The following CABLES1 variants were observed in gnomAD, a reference collection of about 807,000 sequenced individuals.
The protein encoded by CABLES1 is Cdk5 and Abl enzyme substrate 1.
A neutral mutation model predicts 57.8 loss-of-function variants in CABLES1; 36 were observed. That is an observed-to-expected ratio of 0.62 (90% CI 0.48 to 0.82). The LOEUF is 0.82. CABLES1 is among the 40% of genes least tolerant of loss of function. CABLES1 has a pLI of 0.00. For synonymous variants in CABLES1, 374 were observed against 363.0 expected (o/e 1.03, Z -0.35); for missense variants, 767 against 836.6 (o/e 0.92, Z 1.03).
chr18:23,200,700 G>A lies in CABLES1; in HGVS notation c.1010+6160G>A, dbSNP rs571024907. ...GAAAATGTCATGTCCCATCAACTTC[G>A]ACTCCTCATTGATGGAATAACTTAG... On this transcript the variant is annotated intron_variant, in intron 3 of 9. Transcript: ENST00000256925. Among the ~76,000 whole-genome samples, 6 of 152,316 alleles carry A rather than the reference G, an allele frequency of 3.9e-5. No homozygotes were observed. The East Asian group carries it at 7.7e-4, about 20-fold the overall frequency.
intron 9 of CABLES1, among the ~76,000 whole-genome samples, chr18:23,256,359 A>G (rs2048165472): frequency 6.6e-6 from 1 of 152,230 alleles, no homozygotes; most frequent in Non-Finnish European, 1.5e-5. Flanking sequence ...TAGCACTGTG[A>G]AAGTGGAGAC....
chr18:23,174,246 T>A (rs2047104449), intron 1 of CABLES1, among the ~76,000 whole-genome samples: 1 of 152,098 alleles, frequency 6.6e-6, no homozygotes, highest in African/African-American at 2.4e-5. Context: ...TGGCTTAACA[T>A]AATGTTTTCA....
intron 3 of CABLES1, among the ~76,000 whole-genome samples, chr18:23,201,082 C>G: frequency 6.6e-6 from 1 of 152,192 alleles, no homozygotes; most frequent in East Asian, 1.9e-4. Context: ...AGATGAGAAC[C>G]AAGATGCAGA....
Position 23,258,204 on chromosome 18 carries a change from G to GTATT in CABLES1, c.*840_*843dup, listed in dbSNP as rs2048212909. 6.6e-6 allele frequency: 1 copy of GTATT among 152,538 alleles called. No homozygotes were observed. Among genetic ancestry groups the GTATT allele is most frequent in the African/African-American group, 2.4e-5 (1 of 41,462 alleles). The allele number at this position is 152,538 out of a possible 1,614,324, so 9.4% of individuals were successfully genotyped here. On this transcript the variant is annotated 3_prime_UTR_variant, in exon 10 of 10. Coordinates refer to ENST00000256925, the MANE Select transcript of CABLES1 (RefSeq NM_001100619.3). ...CCTGCCGTCTGCCACCCCGCCACGTGTATTTAACCCTCGCACTTTCTCCAC... is the reference window on the plus strand; with the variant it reads ...CCTGCCGTCTGCCACCCCGCCACGTGTATTTATTTAACCCTCGCACTTTCTCCAC...
At chr18:23,250,364 T>C (rs2048008325) in intron 7 of CABLES1, among the ~76,000 whole-genome samples, 1 of 152,126 alleles carries the variant, frequency 6.6e-6, no homozygotes, top group African/African-American at 2.4e-5. Context: ...GTTGAGAAGC[T>C]GGAGGAAGGT....
chr18:23,233,722 G>A lies in CABLES1; in HGVS notation c.1089-886G>A, dbSNP rs996347015. 3.3e-4 allele frequency among the ~76,000 whole-genome samples: 50 copies of A among 152,138 alleles called. 1 individual carries two copies. Among genetic ancestry groups the A allele is most frequent in the Non-Finnish European group, 4.4e-5 (3 of 68,030 alleles). ...AGCAAGGCTTCATCCCTGAATGAATGAATGAATGATTACTTGTTATTACTA... is the reference window on the plus strand; with the variant it reads ...AGCAAGGCTTCATCCCTGAATGAATAAATGAATGATTACTTGTTATTACTA... On this transcript the variant is annotated intron_variant, in intron 4 of 9. Transcript: ENST00000256925.
rs899219981 is a variant in CABLES1 at position 23,135,764 on chromosome 18, TGGCGGC to T, written c.15_20del (p.AlaAla7_?8). ...GAAATCCCGCCGCAGACGGACACAA[TGGCGGC>T]GGCGGCGGCGGCCGCCACCACGGCC... On this transcript the variant is annotated start_lost and inframe_deletion, in exon 1 of 10. Coordinates refer to ENST00000256925, the MANE Select transcript of CABLES1 (RefSeq NM_001100619.3). 386 of 983,660 alleles carry T rather than the reference TGGCGGC, an allele frequency of 3.9e-4. No homozygotes were observed. Among genetic ancestry groups the T allele is most frequent in the Middle Eastern group, 5.2e-4 (1 of 1,934 alleles). 60.9% of individuals were successfully genotyped at this position (983,660 alleles called of 1,614,324 possible). A position where few individuals can be genotyped will look rare whatever the true frequency, so the allele number is the denominator to read the frequency against.
chr18:23,162,240 G>A (rs1191809332), intron 1 of CABLES1, among the ~76,000 whole-genome samples: 1 of 152,002 alleles, frequency 6.6e-6, no homozygotes, highest in East Asian at 1.9e-4. Flanking sequence ...AGGCATAAAG[G>A]CCTACAATTT....
At chr18:23,243,873 A>G (rs964710165) in intron 7 of CABLES1, among the ~76,000 whole-genome samples, 9 of 51,486 alleles carry the variant, frequency 1.7e-4, no homozygotes, top group African/African-American at 1.7e-3. Flanking sequence ...ACTCCGTTTC[A>G]AAAAAAAAAA....
At chr18:23,144,108 A>G (rs1301407725) in intron 1 of CABLES1, among the ~76,000 whole-genome samples, 2 of 152,204 alleles carry the variant, frequency 1.3e-5, no homozygotes, top group African/African-American at 4.8e-5. Flanking sequence ...TCCGTCAGCC[A>G]CAGAGCCAGC....
At chr18:23,190,911 ACAAT>A (rs1346284041) in intron 2 of CABLES1, among the ~76,000 whole-genome samples, 4 of 151,794 alleles carry the variant, frequency 2.6e-5, no homozygotes, top group African/African-American at 7.3e-5. Flanking sequence ...CCCCATGTCT[ACAAT>A]CAATCAGTCA....
chr18:23,142,322 T>C (rs991278582), intron 1 of CABLES1, among the ~76,000 whole-genome samples: 3 of 152,046 alleles, frequency 2.0e-5, no homozygotes, highest in Non-Finnish European at 4.4e-5. Context: ...ACGGGCAATA[T>C]CGCAGCTGGA....
intron 3 of CABLES1, among the ~76,000 whole-genome samples, chr18:23,212,909 G>A (rs143225308): frequency 6.6e-6 from 1 of 152,308 alleles, no homozygotes; most frequent in African/African-American, 2.4e-5. Flanking sequence ...AGCATGCAAA[G>A]AACACAAGTA....
intron 1 of CABLES1, among the ~76,000 whole-genome samples, chr18:23,143,699 G>C (rs1279093420): frequency 6.6e-6 from 1 of 152,100 alleles, no homozygotes; most frequent in Non-Finnish European, 1.5e-5. Context: ...CCAGTGCTCT[G>C]TGCCCAGGAA....
intron 1 of CABLES1, among the ~76,000 whole-genome samples, chr18:23,139,470 T>C (rs555452278): frequency 6.6e-6 from 1 of 151,954 alleles, no homozygotes; most frequent in Admixed American, 6.5e-5. Context: ...TTCTTCTTGG[T>C]TACTTTCATT....
Position 23,258,238 on chromosome 18 carries a change from T to G in CABLES1, c.*871T>G, listed in dbSNP as rs757307294. On this transcript the variant is annotated 3_prime_UTR_variant, in exon 10 of 10. Transcript: ENST00000256925. The stretch of plus-strand genomic sequence containing the variant: ...CCTCGCACTTTCTCCACTGTGGAGA[T>G]GGCTGGGGCGGCGCCCCACAGTGTG... The G allele has an allele frequency of 6.6e-6, 1 of 152,634 alleles. No homozygotes were observed. The highest frequency in any genetic ancestry group is 6.5e-5 in the Admixed American group (1 of 15,288). 9.5% of individuals were successfully genotyped at this position (152,634 alleles called of 1,614,324 possible). A position where few individuals can be genotyped will look rare whatever the true frequency, so the allele number is the denominator to read the frequency against.
At chr18:23,189,017 C>T in intron 2 of CABLES1, 108 bp downstream of exon 2, 1 of 710,300 alleles carries the variant, frequency 1.4e-6, no homozygotes, top group Non-Finnish European at 2.3e-6. Flanking sequence ...TAAAAATAAC[C>T]ATCTGAACTC....
At chr18:23,160,936 G>A (rs559473636) in intron 1 of CABLES1, among the ~76,000 whole-genome samples, 11 of 152,276 alleles carry the variant, frequency 7.2e-5, no homozygotes, top group African/African-American at 2.4e-4. Flanking sequence ...GAGAGGCTAG[G>A]GTACAAGAAT....
At chr18:23,147,260 G>A (rs1846067534) in intron 1 of CABLES1, among the ~76,000 whole-genome samples, 1 of 152,240 alleles carries the variant, frequency 6.6e-6, no homozygotes, top group Non-Finnish European at 1.5e-5. Context: ...TGGGTGAGCA[G>A]AAGAGTGGAA....
Sources: allele counts gnomAD v4.1 joint callset (sites outside exome capture counted in the v4.1 genomes callset), GRCh38; gene constraint gnomAD v4.1.1; transcripts MANE v1.5; gene names NCBI Gene and HGNC (gene_info 2026-07-23, HGNC 2026-07-21).